The following PLCH1 variants were observed in gnomAD, a reference collection of about 807,000 sequenced individuals.
The protein encoded by PLCH1 is 1-phosphatidylinositol 4,5-bisphosphate phosphodiesterase eta-1.
In PLCH1, 60 loss-of-function variants were observed where a neutral mutation model predicts 126.7. The observed-to-expected ratio is 0.47, with a 90% CI of 0.38 to 0.59. PLCH1 has a LOEUF of 0.59. Among genes scored for constraint, PLCH1 ranks in the 20% least tolerant of loss-of-function variants. PLCH1 has a pLI of 0.00. For synonymous variants in PLCH1, 719 were observed against 734.9 expected, an observed-to-expected ratio of 0.98 and a Z score of 0.35; for missense variants, 1,723 against 2,040.0, an observed-to-expected ratio of 0.84 and a Z score of 2.99.
chr3:155,678,582 G>A (rs529406756), intron 2 of PLCH1, among the ~76,000 whole-genome samples: 3 of 152,302 alleles, frequency 2.0e-5, no homozygotes, highest in African/African-American at 7.2e-5. Flanking sequence ...CAGAGACACT[G>A]AATGAATAAC....
At chr3:155,661,852 T>A (rs1435921947) in intron 2 of PLCH1, among the ~76,000 whole-genome samples, 1 of 152,216 alleles carries the variant, frequency 6.6e-6, no homozygotes, top group African/African-American at 2.4e-5. Context: ...AGGTAGTTAG[T>A]TTTCTTTTCT....
Position 155,504,552 on chromosome 3 carries a change from T to C in PLCH1, c.1704+3A>G. The C allele has an allele frequency of 6.5e-7, 1 of 1,547,788 alleles. No homozygotes were observed. The highest frequency in any genetic ancestry group is 8.9e-7 in the Non-Finnish European group (1 of 1,119,782). ...ATGCATAGTTATTACTCTTAATTCATACCTTATGTTTTCCAAAGTTGGTCA... is the reference window on the plus strand; with the variant it reads ...ATGCATAGTTATTACTCTTAATTCACACCTTATGTTTTCCAAAGTTGGTCA... On this transcript the variant is annotated splice_donor_region_variant and intron_variant, in intron 13 of 22. Transcript: ENST00000460012.
intron 4 of PLCH1, among the ~76,000 whole-genome samples, chr3:155,588,154 T>G (rs1427392531): frequency 6.6e-6 from 1 of 152,188 alleles, no homozygotes; most frequent in Non-Finnish European, 1.5e-5. Context: ...TAGAGGATAT[T>G]TTCAGATCGC....
At chr3:155,602,354 T>G (rs1353982755) in intron 2 of PLCH1, among the ~76,000 whole-genome samples, 1 of 152,048 alleles carries the variant, frequency 6.6e-6, no homozygotes, top group Non-Finnish European at 1.5e-5. Flanking sequence ...CCTATAAGAA[T>G]GACAGAAAAT....
intron 1 of PLCH1, among the ~76,000 whole-genome samples, chr3:155,706,552 G>A (rs1012031503): frequency 1.3e-5 from 2 of 151,450 alleles, no homozygotes; most frequent in Non-Finnish European, 2.9e-5. Context: ...CCCAGGAGGC[G>A]GAGGTTGCAG....
intron 2 of PLCH1, among the ~76,000 whole-genome samples, chr3:155,669,042 A>T (rs1743100198): frequency 6.6e-6 from 1 of 152,166 alleles, no homozygotes; most frequent in Non-Finnish European, 1.5e-5. Context: ...GCATGTATGT[A>T]CTACATGTAC....
intron 2 of PLCH1, among the ~76,000 whole-genome samples, chr3:155,652,167 G>C (rs1226514779): frequency 2.0e-5 from 3 of 152,162 alleles, no homozygotes; most frequent in Non-Finnish European, 4.4e-5. Context: ...TATTCCTGGA[G>C]AGTTTTGACA....
chr3:155,485,651 T>G lies in PLCH1; in HGVS notation c.2679A>C (p.Ser893=), dbSNP rs775530269. The change falls in exon 22 of 23, where the codon TCA becomes TCC. Residue 893 remains serine (S), a synonymous_variant. Coordinates refer to ENST00000460012, the MANE Select transcript of PLCH1 (RefSeq NM_014996.4). The part of the protein sequence containing the change: ...LFNKNPRHSS[S]ENNSHYVRKR... ...TCCGTACATAATGGGAATTGTTTTC[T>G]GAAGAACTGTGCCTAGGATTCTTAT... The G allele has an allele frequency of 6.2e-7, 1 of 1,608,992 alleles. No homozygotes were observed. Among genetic ancestry groups the G allele is most frequent in the South Asian group, 1.1e-5 (1 of 91,086 alleles).
chr3:155,690,575 A>G (rs1401556438), intron 2 of PLCH1, among the ~76,000 whole-genome samples: 4 of 152,206 alleles, frequency 2.6e-5, no homozygotes, highest in Admixed American at 6.5e-5. Context: ...TTGTACAAAG[A>G]AAATTACCTG....
chr3:155,486,416 A>G (rs1560053616), intron 21 of PLCH1, among the ~76,000 whole-genome samples: 2 of 152,232 alleles, frequency 1.3e-5, no homozygotes, highest in African/African-American at 4.8e-5. Context: ...CTTGAAAGGA[A>G]TAAAGAGTAT....
intron 2 of PLCH1, among the ~76,000 whole-genome samples, chr3:155,694,224 C>T (rs1745637419): frequency 6.6e-6 from 1 of 152,176 alleles, no homozygotes; most frequent in South Asian, 2.1e-4. Flanking sequence ...TGGCTGCCCA[C>T]TAGAATCACA....
In PLCH1 at chr3:155,584,672, T is replaced by A. The variant is rs76596042; in HGVS notation, c.601-1030A>T. On this transcript the variant is annotated intron_variant, in intron 5 of 22. Coordinates refer to ENST00000460012, the MANE Select transcript of PLCH1 (RefSeq NM_014996.4). ...ACGGCATTTTGAAATGCATAGAATT[T>A]GTGAAGTACACTCAACTGTTATATG... 2.6e-5 allele frequency among the ~76,000 whole-genome samples: 4 copies of A among 152,334 alleles called. No homozygotes were observed. The East Asian group carries it at 7.7e-4, about 29-fold the overall frequency.
intron 4 of PLCH1, among the ~76,000 whole-genome samples, chr3:155,591,283 C>T (rs1435024478): frequency 1.3e-5 from 2 of 152,074 alleles, no homozygotes; most frequent in Non-Finnish European, 2.9e-5. Context: ...GTTCAGGTAC[C>T]CAAAAGCCAT....
chr3:155,537,061 C>A (rs548949367), intron 10 of PLCH1, among the ~76,000 whole-genome samples: 2 of 152,098 alleles, frequency 1.3e-5, no homozygotes, highest in African/African-American at 4.8e-5. Flanking sequence ...AATCTTGTGT[C>A]CAGCAAAACT....
intron 10 of PLCH1, among the ~76,000 whole-genome samples, chr3:155,547,894 TG>T (rs1725587131): frequency 3.4e-5 from 2 of 58,868 alleles, no homozygotes; most frequent in Non-Finnish European, 6.0e-5. Context: ...TGTTGTGGGG[TG>T]GGGGGAGGGG....
At chr3:155,465,750 G>T (rs892362161) in intron 21 of PLCH1, among the ~76,000 whole-genome samples, 8 of 152,118 alleles carry the variant, frequency 5.3e-5, no homozygotes, top group Non-Finnish European at 1.2e-4. Context: ...GGGGAGCCCA[G>T]TGCCCTAAAG....
chr3:155,488,266 T>C (rs7650465), intron 20 of PLCH1, among the ~76,000 whole-genome samples, 159 bp from the exon 21 acceptor site: 3,339 of 152,214 alleles, frequency 0.022, 135 homozygotes, highest in African/African-American at 0.076. Flanking sequence ...GGCATGATCT[T>C]GGCTCACTGC....
In PLCH1 at chr3:155,566,231, A is replaced by G. The variant is rs951475424; in HGVS notation, c.866-1113T>C. Reference sequence around the variant, plus strand: ...TACACATATATACGTATATATACACATATATATACATATATATACGTATAT... The same window carrying G: ...TACACATATATACGTATATATACACGTATATATACATATATATACGTATAT... On this transcript the variant is annotated intron_variant, in intron 7 of 22. Coordinates refer to ENST00000460012, the MANE Select transcript of PLCH1 (RefSeq NM_014996.4). Among the ~76,000 whole-genome samples the G allele has an allele frequency of 3.4e-4, 43 of 126,122 alleles. 10 individuals are homozygous for G. The highest frequency in any genetic ancestry group is 1.1e-3 in the African/African-American group (38 of 35,836). 82.7% of individuals were successfully genotyped at this position (126,122 alleles called of 152,430 possible).
At chr3:155,570,407 G>C (rs1040808203) in intron 6 of PLCH1, among the ~76,000 whole-genome samples, 1 of 152,126 alleles carries the variant, frequency 6.6e-6, no homozygotes, top group East Asian at 1.9e-4. Context: ...GAGTTCACTT[G>C]ACAGTTTTGT....
Sources: allele counts gnomAD v4.1 joint callset (sites outside exome capture counted in the v4.1 genomes callset), GRCh38; gene constraint gnomAD v4.1.1; transcripts MANE v1.5; gene names NCBI Gene and HGNC (gene_info 2026-07-23, HGNC 2026-07-21).